The following ERBB4 variants were observed in gnomAD, a reference collection of about 807,000 sequenced individuals.
The protein encoded by ERBB4 is receptor tyrosine-protein kinase erbB-4.
ERBB4 carries 42 observed loss-of-function variants against 158.0 expected under a neutral mutation model. That is an observed-to-expected ratio of 0.27 (90% CI 0.21 to 0.34). The LOEUF (loss-of-function observed/expected upper bound fraction) is 0.34, where lower values mean the gene tolerates loss of function less well. Among genes scored for constraint, ERBB4 ranks in the 10% least tolerant of loss-of-function variants. ERBB4 has a pLI of 1.00. For synonymous variants in ERBB4, 583 were observed against 558.7 expected, an observed-to-expected ratio of 1.04 and a Z score of -0.61; for missense variants, 1,333 against 1,624.1, an observed-to-expected ratio of 0.82 and a Z score of 3.08.
chr2:211,640,668 A>T (rs940198264), intron 16 of ERBB4, among the ~76,000 whole-genome samples: 6 of 152,170 alleles, frequency 3.9e-5, no homozygotes, highest in African/African-American at 1.4e-4. Context: ...TATTAGGAAA[A>T]TTATTCTGGT....
chr2:212,271,169 ATGATGACAG>A (rs2085330772), intron 1 of ERBB4, among the ~76,000 whole-genome samples: 1 of 52,852 alleles, frequency 1.9e-5, no homozygotes, highest in Non-Finnish European at 5.2e-5. Flanking sequence ...TGGAAAATCT[ATGATGACAG>A]AGGCAATACC....
intron 3 of ERBB4, among the ~76,000 whole-genome samples, chr2:211,854,950 T>A (rs1237301671): frequency 6.6e-6 from 1 of 152,162 alleles, no homozygotes. Flanking sequence ...TTTCCCAAAG[T>A]GGATGTACCA....
chr2:211,802,830 T>C (rs1223420434), intron 3 of ERBB4, among the ~76,000 whole-genome samples: 4 of 152,094 alleles, frequency 2.6e-5, no homozygotes, highest in African/African-American at 9.7e-5. Flanking sequence ...TTAGAGTGAA[T>C]AGGAGGAGAG....
chr2:212,419,988 G>C (rs1182461523), intron 1 of ERBB4, among the ~76,000 whole-genome samples: 4 of 151,832 alleles, frequency 2.6e-5, no homozygotes, highest in Non-Finnish European at 4.4e-5. Context: ...TTCATTCTAA[G>C]TGCAAAGTTA....
intron 3 of ERBB4, among the ~76,000 whole-genome samples, chr2:211,870,219 T>G (rs765330720): frequency 1.6e-4 from 24 of 152,194 alleles, no homozygotes; most frequent in Non-Finnish European, 3.1e-4. Context: ...TGCATGTCAT[T>G]GTCCCTGCCA....
At chr2:212,014,823 T>A (rs750763416) in intron 2 of ERBB4, among the ~76,000 whole-genome samples, 25 of 151,556 alleles carry the variant, frequency 1.6e-4, no homozygotes, top group Non-Finnish European at 2.9e-4. Flanking sequence ...AGTAAAAAAA[T>A]GTACATAATA....
chr2:212,346,583 C>CT (rs1043307673), intron 1 of ERBB4, among the ~76,000 whole-genome samples: 12 of 138,154 alleles, frequency 8.7e-5, no homozygotes, highest in African/African-American at 3.4e-4. Context: ...TTTGCATAAA[C>CT]TTTTCCTGAA....
At chr2:211,866,405 G>A (rs2078206870) in intron 3 of ERBB4, among the ~76,000 whole-genome samples, 1 of 151,570 alleles carries the variant, frequency 6.6e-6, no homozygotes, top group Admixed American at 6.6e-5. Context: ...AGAATACCTA[G>A]ACCATGCCTG....
intron 3 of ERBB4, among the ~76,000 whole-genome samples, chr2:211,839,595 A>AAT (rs1678139452): frequency 6.6e-6 from 1 of 152,134 alleles, no homozygotes; most frequent in African/African-American, 2.4e-5. Context: ...TAATAATAAC[A>AAT]ATAACTGCAT....
chr2:211,663,693 A>AT (rs1307405607), intron 15 of ERBB4, among the ~76,000 whole-genome samples: 6 of 152,168 alleles, frequency 3.9e-5, no homozygotes, highest in African/African-American at 1.4e-4. Flanking sequence ...CATTTCTCTA[A>AT]TGGCCTCATT....
chr2:211,994,122 A>C (rs1244250215), intron 2 of ERBB4, among the ~76,000 whole-genome samples: 1 of 151,864 alleles, frequency 6.6e-6, no homozygotes, highest in Non-Finnish European at 1.5e-5. Flanking sequence ...CTATCTATCT[A>C]CCTATCATCT....
chr2:211,384,873 C>T (rs2062652993), intron 27 of ERBB4, among the ~76,000 whole-genome samples: 1 of 151,986 alleles, frequency 6.6e-6, no homozygotes, highest in Non-Finnish European at 1.5e-5. Flanking sequence ...ATAAATCCAT[C>T]TAGTATAGGT....
intron 3 of ERBB4, among the ~76,000 whole-genome samples, chr2:211,872,249 G>C (rs1234331715): frequency 6.6e-6 from 1 of 152,144 alleles, no homozygotes; most frequent in African/African-American, 2.4e-5. Flanking sequence ...CAGTTTGTTA[G>C]AACATTTCCA....
intron 19 of ERBB4, among the ~76,000 whole-genome samples, chr2:211,615,124 T>G (rs1397756558): frequency 6.6e-6 from 1 of 151,964 alleles, no homozygotes; most frequent in Non-Finnish European, 1.5e-5. Flanking sequence ...TTTCTTTCAT[T>G]TTTTTTAAGA....
rs1458887399 is a variant in ERBB4, at chr2:212,061,598, A to G, written c.234+63154T>C. Reference sequence around the variant, plus strand: ...ATGATAACAGTCATTAAAATTTGTCATTGTGAAAACAATATTGTAAAGAGT... The same window carrying G: ...ATGATAACAGTCATTAAAATTTGTCGTTGTGAAAACAATATTGTAAAGAGT... On this transcript the variant is annotated intron_variant, in intron 2 of 27. Coordinates refer to ENST00000342788, the MANE Select transcript of ERBB4 (RefSeq NM_005235.3). Among the ~76,000 whole-genome samples the G allele has an allele frequency of 2.0e-5, 3 of 151,310 alleles. No homozygotes were observed. The East Asian group carries it at 5.8e-4, about 29-fold the overall frequency.
chr2:211,495,573 T>C lies in ERBB4; in HGVS notation c.2488-64473A>G, dbSNP rs919044879. On this transcript the variant is annotated intron_variant, in intron 20 of 27. Transcript: ENST00000342788. ...TTAACCTTCTTGTAACCTCATAATA[T>C]CACTGTTACGCCTTGTCTGATATTT... 4.3e-4 allele frequency among the ~76,000 whole-genome samples: 66 copies of C among 152,180 alleles called. 1 individual carries two copies. The highest frequency in any genetic ancestry group is 3.4e-3 in the Middle Eastern group (1 of 294).
chr2:212,009,957 A>G (rs915520660), intron 2 of ERBB4, among the ~76,000 whole-genome samples: 1 of 152,182 alleles, frequency 6.6e-6, no homozygotes, highest in Non-Finnish European at 1.5e-5. Context: ...CCTATCCCTC[A>G]TAAGCCAGAA....
At position 211,673,165 on chromosome 2, in the gene ERBB4, G is replaced by A. The variant is rs759551723; in HGVS notation, c.1715C>T (p.Pro572Leu). ...CACCACAGATGTCTTCAGGCTTACC[G>A]GTCCATGGCATGTGAGGAGGCCATC... ...MEDGLLTCHG[P>L]GPDNCTKCSH... The change falls in exon 14 of 28, where the codon CCG becomes CTG. Residue 572 changes from proline (P) to leucine (L), a missense_variant and splice_region_variant. Transcript: ENST00000342788. 1.4e-5 allele frequency: 22 copies of A among 1,606,600 alleles called. No individual in the cohort carries two copies. The highest frequency in any genetic ancestry group is 1.2e-4 in the African/African-American group (9 of 74,718).
intron 1 of ERBB4, among the ~76,000 whole-genome samples, chr2:212,508,428 T>C (rs1691314204): frequency 1.3e-5 from 2 of 152,184 alleles, no homozygotes; most frequent in South Asian, 4.1e-4. Flanking sequence ...GTTTATGCAT[T>C]GTGTTATAAT....
Sources: allele counts gnomAD v4.1 joint callset (sites outside exome capture counted in the v4.1 genomes callset), GRCh38; gene constraint gnomAD v4.1.1; transcripts MANE v1.5; gene names NCBI Gene and HGNC (gene_info 2026-07-23, HGNC 2026-07-21).